Variants in C8orf34 observed in about 807,000 individuals in gnomAD.
C8orf34 encodes the protein chromosome 8 open reading frame 34, also known as uncharacterized protein C8orf34.
C8orf34 carries 65 observed loss-of-function variants against 68.3 expected under a neutral mutation model. That is an observed-to-expected ratio of 0.95 (90% CI 0.78 to 1.17). The LOEUF (loss-of-function observed/expected upper bound fraction) is 1.17, where lower values mean the gene tolerates loss of function less well. Among genes scored for constraint, C8orf34 ranks in the 50% most tolerant of loss-of-function variants. The pLI is 0.00. For missense variants in C8orf34, 664 were observed against 655.4 expected (o/e 1.01, Z -0.14); for synonymous variants, 244 against 241.2 (o/e 1.01, Z -0.11).
At chr8:68,814,446 A>G (rs1824747681) in intron 12 of C8orf34, among the ~76,000 whole-genome samples, 1 of 152,234 alleles carries the variant, frequency 6.6e-6, no homozygotes, top group African/African-American at 2.4e-5. Flanking sequence ...TTTTATTTCA[A>G]ACCCTTCCAT....
intron 7 of C8orf34, among the ~76,000 whole-genome samples, chr8:68,634,377 C>G (rs1818777482): frequency 6.6e-6 from 1 of 152,172 alleles, no homozygotes. Flanking sequence ...CATTGGTATT[C>G]AAAGATTCTC....
At chr8:68,639,753 G>A (rs1462438354) in intron 7 of C8orf34, among the ~76,000 whole-genome samples, 1 of 152,068 alleles carries the variant, frequency 6.6e-6, no homozygotes, top group Non-Finnish European at 1.5e-5. Flanking sequence ...TTAAGGACCT[G>A]GGAAAAATAG....
chr8:68,533,252 G>A, intron 7 of C8orf34, 103 bp downstream of exon 7: 8 of 1,429,380 alleles, frequency 5.6e-6, no homozygotes, highest in Middle Eastern at 2.1e-4. Context: ...CTTGTCTTAG[G>A]GAAAAGAAAC....
chr8:68,435,647 G>A (rs1024100326), intron 1 of C8orf34, among the ~76,000 whole-genome samples: 5 of 152,140 alleles, frequency 3.3e-5, no homozygotes, highest in Non-Finnish European at 7.4e-5. Context: ...GTATTTTTGT[G>A]CTTCACTCTG....
chr8:68,465,743 T>C (rs1812092103), intron 3 of C8orf34, among the ~76,000 whole-genome samples: 2 of 151,394 alleles, frequency 1.3e-5, no homozygotes, highest in South Asian at 2.1e-4. Flanking sequence ...TAGGTGGGAA[T>C]TGAACAATGA....
intron 12 of C8orf34, among the ~76,000 whole-genome samples, chr8:68,814,354 G>A (rs1445832667): frequency 6.6e-6 from 1 of 152,166 alleles, no homozygotes; most frequent in Non-Finnish European, 1.5e-5. Flanking sequence ...TACTAATACA[G>A]AGCATGAATT....
chr8:68,752,046 A>G (rs1822723188), intron 10 of C8orf34, among the ~76,000 whole-genome samples: 1 of 152,120 alleles, frequency 6.6e-6, no homozygotes, highest in Admixed American at 6.6e-5. Context: ...AATGTGGAGA[A>G]CTCTAACAGC....
chr8:68,380,076 G>C (rs1432377352), intron 1 of C8orf34, among the ~76,000 whole-genome samples: 1 of 152,074 alleles, frequency 6.6e-6, no homozygotes, highest in African/African-American at 2.4e-5. Flanking sequence ...TGCCCAGGTG[G>C]ATCTCAAACT....
intron 1 of C8orf34, among the ~76,000 whole-genome samples, chr8:68,374,652 A>G (rs1306289831): frequency 2.6e-5 from 4 of 152,232 alleles, no homozygotes; most frequent in African/African-American, 9.6e-5. Flanking sequence ...TAAGTAAAAT[A>G]TACTAACCAA....
At chr8:68,799,205 T>A (rs1303756780) in intron 12 of C8orf34, among the ~76,000 whole-genome samples, 3 of 152,244 alleles carry the variant, frequency 2.0e-5, no homozygotes, top group Non-Finnish European at 4.4e-5. Context: ...ATGTTTTTAA[T>A]TATTTTATTA....
intron 1 of C8orf34, among the ~76,000 whole-genome samples, chr8:68,334,997 A>T (rs1805786459): frequency 6.6e-6 from 1 of 151,636 alleles, no homozygotes; most frequent in Non-Finnish European, 1.5e-5. Flanking sequence ...CACTTTATTG[A>T]CCTCCCTGAT....
intron 5 of C8orf34, among the ~76,000 whole-genome samples, chr8:68,505,273 T>A (rs1177503342): frequency 1.3e-5 from 2 of 152,234 alleles, no homozygotes; most frequent in Non-Finnish European, 2.9e-5. Flanking sequence ...TTTACATTTT[T>A]AAATGACTAA....
chr8:68,703,844 A>G (rs1166988171), intron 8 of C8orf34, among the ~76,000 whole-genome samples: 1 of 152,072 alleles, frequency 6.6e-6, no homozygotes, highest in Admixed American at 6.6e-5. Context: ...CCACTCACAC[A>G]TAAGCCTCTG....
At chr8:68,600,283 T>C (rs986809521) in intron 7 of C8orf34, among the ~76,000 whole-genome samples, 1 of 152,196 alleles carries the variant, frequency 6.6e-6, no homozygotes, top group Non-Finnish European at 1.5e-5. Flanking sequence ...CTTTAAAATA[T>C]AATTGCCTTA....
intron 8 of C8orf34, among the ~76,000 whole-genome samples, chr8:68,692,635 T>C (rs537046240): frequency 6.6e-6 from 1 of 152,150 alleles, no homozygotes; most frequent in South Asian, 2.1e-4. Context: ...GGCTCATAAG[T>C]AAAACTTGTT....
chr8:68,619,940 A>G (rs568033599), intron 7 of C8orf34, among the ~76,000 whole-genome samples: 3 of 152,344 alleles, frequency 2.0e-5, no homozygotes, highest in African/African-American at 7.2e-5. Flanking sequence ...TCCTCAGAAT[A>G]GAAAACCTGG....
intron 7 of C8orf34, among the ~76,000 whole-genome samples, chr8:68,571,207 T>A (rs894425749): frequency 2.0e-5 from 3 of 152,180 alleles, no homozygotes; most frequent in Non-Finnish European, 4.4e-5. Flanking sequence ...GGAAAGGGAA[T>A]GCTCTTTGCC....
intron 10 of C8orf34, among the ~76,000 whole-genome samples, chr8:68,745,268 C>T (rs933994592): frequency 9.9e-5 from 15 of 152,080 alleles, no homozygotes; most frequent in East Asian, 1.9e-4. Context: ...TGGTGCCAGC[C>T]GCTGCAAACT....
chr8:68,447,131 G>T (rs1811158087), intron 3 of C8orf34: 2 of 153,062 alleles, frequency 1.3e-5, no homozygotes, highest in South Asian at 3.8e-4. Flanking sequence ...AGGGGTGCAC[G>T]CATCATATGG....
Sources: gnomAD v4.1 joint callset for allele counts (sites outside exome capture counted in the v4.1 genomes callset) on GRCh38, gnomAD v4.1.1 for gene constraint, MANE v1.5 for transcripts, NCBI Gene and HGNC (gene_info 2026-07-23, HGNC 2026-07-21) for gene names.